The following C8orf74 variants were observed in gnomAD, a reference collection of about 807,000 sequenced individuals.
C8orf74 encodes the protein chromosome 8 open reading frame 74.
Under a neutral mutation model 22.2 loss-of-function variants are expected in C8orf74, and 29 were observed. The observed-to-expected ratio is 1.31, with a 90% CI of 0.97 to 1.78. The LOEUF (loss-of-function observed/expected upper bound fraction) is 1.78. Among genes scored for constraint, C8orf74 ranks in the 40% most tolerant of loss-of-function variants. The pLI, the probability that C8orf74 is intolerant of heterozygous loss-of-function variation, is 0.00. For synonymous variants in C8orf74, 255 were observed against 163.1 expected (o/e 1.56, Z -4.30); for missense variants, 515 against 369.9 (o/e 1.39, Z -3.22).
chr8:10,682,162 T>C (rs777608345), intron 2 of C8orf74, among the ~76,000 whole-genome samples: 40 of 152,084 alleles, frequency 2.6e-4, no homozygotes, highest in Non-Finnish European at 5.0e-4. Context: ...CAAGGACCCC[T>C]CCTTCCCAAC....
rs767107241 is a variant in C8orf74, at chr8:10,697,839, T to C, written c.482T>C (p.Leu161Ser). The C allele has an allele frequency of 3.1e-6, 5 of 1,613,714 alleles. No homozygotes were observed. The Middle Eastern group carries it at 5.0e-4, about 160-fold the overall frequency. Residue 161 changes from leucine to serine, a missense_variant, in exon 3 of 4, where the codon TTG becomes TCG. By Grantham distance (145) the Leu-to-Ser change is moderately radical. Coordinates refer to ENST00000304519, the MANE Select transcript of C8orf74 (RefSeq NM_001040032.2). ...CTGGCCGAGGGCATGGACAGGGACT[T>C]GTGGATCCACGAGCAGCAGGTGGCC... ...LPLAEGMDRDLWIHEQQVATL... is the reference protein window; with the variant it reads ...LPLAEGMDRDSWIHEQQVATL...
chr8:10,697,004 T>C (rs914174038), intron 2 of C8orf74, among the ~76,000 whole-genome samples: 5 of 150,920 alleles, frequency 3.3e-5, no homozygotes, highest in African/African-American at 7.3e-5. Flanking sequence ...AATGTGATTA[T>C]ACTGAGATCA....
At chr8:10,687,500 T>A (rs1289142557) in intron 2 of C8orf74, among the ~76,000 whole-genome samples, 2 of 150,906 alleles carry the variant, frequency 1.3e-5, no homozygotes, top group East Asian at 3.9e-4. Flanking sequence ...AAAATACAGC[T>A]ACTTGGGAAG....
chr8:10,695,712 A>G (rs1032577440), intron 2 of C8orf74, among the ~76,000 whole-genome samples: 2 of 152,146 alleles, frequency 1.3e-5, no homozygotes, highest in African/African-American at 4.8e-5. Context: ...TCCCTGCTGA[A>G]GGGGCATGGA....
intron 2 of C8orf74, among the ~76,000 whole-genome samples, chr8:10,689,974 C>T (rs774981151): frequency 1.4e-4 from 21 of 152,100 alleles, no homozygotes; most frequent in Non-Finnish European, 2.2e-4. Flanking sequence ...AGTTAGAATT[C>T]AGCCTAGGGA....
At chr8:10,688,637 CACAGGG>C (rs1799311711) in intron 2 of C8orf74, 6 of 152,440 alleles carry the variant, frequency 3.9e-5, no homozygotes, top group Non-Finnish European at 5.9e-5. Context: ...GTGCCCAAGT[CACAGGG>C]CAGGAGGATG....
intron 2 of C8orf74, among the ~76,000 whole-genome samples, chr8:10,679,425 T>C (rs1287103884): frequency 2.0e-5 from 3 of 152,150 alleles, no homozygotes; most frequent in Non-Finnish European, 1.5e-5. Flanking sequence ...TGCTCAGTTG[T>C]TTCTGCTCCA....
At chr8:10,674,962 C>G (rs1418202814) in intron 2 of C8orf74, 124 bp downstream of exon 2, 6 of 745,668 alleles carry the variant, frequency 8.0e-6, no homozygotes, top group Admixed American at 3.0e-5. Context: ...CTGCCCTTCC[C>G]TGGCATTGGG....
chr8:10,694,989 T>C (rs1799459563), intron 2 of C8orf74, among the ~76,000 whole-genome samples: 1 of 147,264 alleles, frequency 6.8e-6, no homozygotes, highest in Admixed American at 6.8e-5. Flanking sequence ...GATGGATAAG[T>C]GGAAGGATGA....
At chr8:10,688,596 G>C (rs1799310648) in intron 2 of C8orf74, 1 of 152,346 alleles carries the variant, frequency 6.6e-6, no homozygotes, top group African/African-American at 2.4e-5. Context: ...AATGGTGGCT[G>C]AGAACAGAAC....
chr8:10,681,397 C>T (rs527564025), intron 2 of C8orf74, among the ~76,000 whole-genome samples: 11 of 152,286 alleles, frequency 7.2e-5, no homozygotes, highest in East Asian at 1.9e-4. Flanking sequence ...CAGCTTGGGA[C>T]GTCCTGGTGG....
chr8:10,683,935 C>T (rs1285015569), intron 2 of C8orf74, among the ~76,000 whole-genome samples: 1 of 152,204 alleles, frequency 6.6e-6, no homozygotes, highest in Non-Finnish European at 1.5e-5. Flanking sequence ...CGGCTGGCCC[C>T]TGTTCTGCCC....
chr8:10,698,896 A>ACACAC (rs1439635611), intron 3 of C8orf74, among the ~76,000 whole-genome samples: 2 of 127,560 alleles, frequency 1.6e-5, no homozygotes, highest in African/African-American at 6.5e-5. Flanking sequence ...AGGGTTACAC[A>ACACAC]CACACCACAC....
rs766766901 is a variant in C8orf74 at position 10,674,876 on chromosome 8, C to G, written c.241+38C>G. 5 of 1,530,910 alleles carry G rather than the reference C, an allele frequency of 3.3e-6. No homozygotes were observed. In the South Asian group the frequency reaches 6.2e-5, roughly 19 times the overall value. The allele number at this position is 1,530,910 out of a possible 1,614,324, so 94.8% of individuals were successfully genotyped here. The stretch of plus-strand genomic sequence containing the variant: ...CAGGGCAGGAGTCAGCAGAGGCTGG[C>G]GGGATGGGGTGGGTACACATAGAAC... On this transcript the variant is annotated intron_variant, in intron 2 of 3. Coordinates refer to ENST00000304519, the MANE Select transcript of C8orf74 (RefSeq NM_001040032.2).
At chr8:10,674,264 G>A (rs1249551459) in intron 1 of C8orf74, among the ~76,000 whole-genome samples, 4 of 123,868 alleles carry the variant, frequency 3.2e-5, no homozygotes, top group East Asian at 2.5e-4. Flanking sequence ...ATCATACCCT[G>A]CAGCCCCCAT....
chr8:10,673,987 A>C (rs555553653), intron 1 of C8orf74, among the ~76,000 whole-genome samples: 1 of 122,666 alleles, frequency 8.2e-6, no homozygotes, highest in East Asian at 2.7e-4. Flanking sequence ...CCCATATCAT[A>C]CCCCACAACC....
chr8:10,691,764 C>G lies in C8orf74; in HGVS notation c.242-5835C>G, dbSNP rs1015965921. Reference sequence around the variant, plus strand: ...TCTTAACCCCAAGGAATTTGATAATCCTATGTACGCTATCCTTGGAGGTCC... The same window carrying G: ...TCTTAACCCCAAGGAATTTGATAATGCTATGTACGCTATCCTTGGAGGTCC... On this transcript the variant is annotated intron_variant, in intron 2 of 3. Coordinates refer to ENST00000304519, the MANE Select transcript of C8orf74 (RefSeq NM_001040032.2). 19 of 152,448 alleles carry G rather than the reference C, an allele frequency of 1.2e-4. 2 individuals carry two copies. Among genetic ancestry groups the G allele is most frequent in the Admixed American group, 9.1e-4 (14 of 15,310 alleles). 9.4% of individuals were successfully genotyped at this position (152,448 alleles called of 1,614,324 possible). A position where few individuals can be genotyped will look rare whatever the true frequency, so the allele number is the denominator to read the frequency against.
chr8:10,696,807 G>C (rs1002310816), intron 2 of C8orf74, among the ~76,000 whole-genome samples: 2 of 152,024 alleles, frequency 1.3e-5, no homozygotes, highest in South Asian at 4.2e-4. Flanking sequence ...TTCCTAAAGA[G>C]TTAGAAGTAG....
intron 3 of C8orf74, among the ~76,000 whole-genome samples, chr8:10,699,477 C>T (rs553210385): frequency 6.6e-6 from 1 of 152,244 alleles, no homozygotes; most frequent in East Asian, 1.9e-4. Context: ...GCACTACATC[C>T]AACCAGTTGC....
Sources: allele counts gnomAD v4.1 joint callset (sites outside exome capture counted in the v4.1 genomes callset), GRCh38; gene constraint gnomAD v4.1.1; transcripts MANE v1.5; gene names NCBI Gene and HGNC (gene_info 2026-07-23, HGNC 2026-07-21).